Variants in SPATA1 observed in about 807,000 individuals in gnomAD.
SPATA1 encodes spermatogenesis-associated protein 1.
SPATA1 carries 57 observed loss-of-function variants against 59.6 expected under a neutral mutation model. The ratio of observed to expected loss-of-function variants is 0.96; its 90% CI spans 0.77 to 1.19. The LOEUF (loss-of-function observed/expected upper bound fraction) is 1.19. Ranked by LOEUF, SPATA1 falls within the 50% of genes most tolerant of loss-of-function variation. SPATA1 has a pLI of 0.00. For missense variants in SPATA1, 448 were observed against 480.7 expected, an observed-to-expected ratio of 0.93 and a Z score of 0.64; for synonymous variants, 147 against 163.9, an observed-to-expected ratio of 0.90 and a Z score of 0.79.
chr1:84,526,498 G>A (rs963429051), intron 6 of SPATA1, among the ~76,000 whole-genome samples: 7 of 152,060 alleles, frequency 4.6e-5, no homozygotes, highest in Non-Finnish European at 7.4e-5. Context: ...GGGAACATAC[G>A]TATTTCAGAG....
intron 1 of SPATA1, among the ~76,000 whole-genome samples, chr1:84,515,442 G>A (rs1409891871): frequency 6.6e-6 from 1 of 151,992 alleles, no homozygotes; most frequent in Non-Finnish European, 1.5e-5. Flanking sequence ...CAGATCAGAG[G>A]AATTTTAAGT....
rs1682561442 is a variant in SPATA1, at chr1:84,511,675, CTTTCTTTT to C, written c.-137-4544_-137-4537del. On this transcript the variant is annotated intron_variant, in intron 1 of 12. Coordinates refer to ENST00000490879, the Ensembl canonical transcript of SPATA1. ...TCAGGCTTTTTTTTTTTTTTTCTTT[CTTTCTTTT>C]TTTTTTTTTTTTTTTGAGACAGAGT... Among the ~76,000 whole-genome samples, 30 of 71,028 alleles carry C rather than the reference CTTTCTTTT, an allele frequency of 4.2e-4. 1 individual carries two copies. Among genetic ancestry groups the C allele is most frequent in the African/African-American group, 1.9e-3 (30 of 15,798 alleles). 46.6% of individuals were successfully genotyped at this position (71,028 alleles called of 152,430 possible).
intron 6 of SPATA1, among the ~76,000 whole-genome samples, chr1:84,527,171 T>C (rs1292667194): frequency 6.6e-6 from 1 of 152,148 alleles, no homozygotes; most frequent in African/African-American, 2.4e-5. Context: ...ACAGCTTTAA[T>C]AGATGTTGTC....
At chr1:84,527,495 C>T (rs1683272483) in intron 6 of SPATA1, 1 of 151,904 alleles carries the variant, frequency 6.6e-6, no homozygotes, top group Non-Finnish European at 1.5e-5. Context: ...ATTACTACTA[C>T]TTAGAATTCT....
At chr1:84,544,822 A>G (rs2101999704) in intron 9 of SPATA1, among the ~76,000 whole-genome samples, 1 of 151,954 alleles carries the variant, frequency 6.6e-6, no homozygotes, top group African/African-American at 2.4e-5. Context: ...CGGCCTCCCA[A>G]AGTGCTGGGA....
At position 84,545,732 on chromosome 1, in the gene SPATA1, G is replaced by T; in HGVS notation, c.919G>T (p.Glu307Ter). The T allele has an allele frequency of 6.6e-7, 1 of 1,525,194 alleles. No homozygotes were observed. Among genetic ancestry groups the T allele is most frequent in the South Asian group, 1.4e-5 (1 of 73,468 alleles). 94.5% of individuals were successfully genotyped at this position (1,525,194 alleles called of 1,614,324 possible). ...AGTAAAAACGGTTGAAAAGCTATTT[G>T]AACAAAGCAAATTAAAACGATATCA... is the stretch of plus-strand genomic sequence containing the variant. Residue 307 changes from glutamate to a stop codon, truncating the protein, a stop_gained, in exon 10 of 13, where the codon GAA becomes TAA. Coordinates refer to ENST00000490879, the Ensembl canonical transcript of SPATA1. LOFTEE classifies it high-confidence loss of function.
At chr1:84,548,750 CTTTTTTTTTTTTTT>C (rs56250726) in intron 10 of SPATA1, 22 bp from the exon 11 acceptor site, 15,298 of 909,538 alleles carry the variant, frequency 0.017, 30 homozygotes, top group South Asian at 0.025. Flanking sequence ...AAGGCCTTTC[CTTTTTTTTTTTTTT>C]TTTTTTTTTT....
At chr1:84,551,326 A>G in intron 12 of SPATA1, 1 of 935,846 alleles carries the variant, frequency 1.1e-6, no homozygotes, top group Non-Finnish European at 1.3e-6. Context: ...AATTTTAAAA[A>G]GAAAAAAGAA....
intron 1 of SPATA1, among the ~76,000 whole-genome samples, chr1:84,512,489 C>A (rs889474387): frequency 3.9e-5 from 6 of 152,160 alleles, no homozygotes; most frequent in Non-Finnish European, 8.8e-5. Flanking sequence ...GTACATTGAG[C>A]AATCTTTGTA....
intron 8 of SPATA1, among the ~76,000 whole-genome samples, chr1:84,536,466 C>T (rs1206515900): frequency 6.6e-6 from 1 of 152,152 alleles, no homozygotes; most frequent in Non-Finnish European, 1.5e-5. Flanking sequence ...TCTTTTGAGA[C>T]GGAGTCTCGC....
chr1:84,549,896 C>T (rs1000185189), intron 11 of SPATA1: 1 of 150,878 alleles, frequency 6.6e-6, no homozygotes, highest in Non-Finnish European at 1.5e-5. Flanking sequence ...ATAGCTTATA[C>T]TTTATCTTAC....
intron 11 of SPATA1, 43 bp from the exon 12 acceptor site, chr1:84,550,387 AAT>A (rs1303600261): frequency 2.0e-6 from 2 of 986,590 alleles, no homozygotes; most frequent in African/African-American, 1.7e-5. Context: ...TAAAAATAAA[AAT>A]GTTTATATGT....
chr1:84,524,850 A>T (rs1321515494), intron 4 of SPATA1, among the ~76,000 whole-genome samples: 1 of 152,140 alleles, frequency 6.6e-6, no homozygotes, highest in African/African-American at 2.4e-5. Context: ...TTATTTATTT[A>T]ATATCTGGTT....
rs143303707 is a variant in SPATA1 at position 84,529,769 on chromosome 1, C to T, written c.545-3091C>T. ...TTTTTGTATGTTTAGCAGAGATGGA[C>T]TCCTGACCTCAGGTGATCCACCCGC... On this transcript the variant is annotated intron_variant, in intron 6 of 12. Transcript: ENST00000490879. Among the ~76,000 whole-genome samples, 956 of 151,558 alleles carry T rather than the reference C, an allele frequency of 6.3e-3. 6 individuals are homozygous for T. The highest frequency in any genetic ancestry group is 0.022 in the African/African-American group (906 of 41,338).
At chr1:84,559,805 C>T (rs1287768281) in intron 4 of SPATA1, among the ~76,000 whole-genome samples, 1 of 152,232 alleles carries the variant, frequency 6.6e-6, no homozygotes, top group Non-Finnish European at 1.5e-5. Flanking sequence ...AATGTGTTGG[C>T]CAGGTGCAGT....
intron 12 of SPATA1, 77 bp downstream of exon 12, chr1:84,550,607 T>G: frequency 7.2e-7 from 1 of 1,393,234 alleles, no homozygotes; most frequent in South Asian, 1.8e-5. Flanking sequence ...TAACTTTGGG[T>G]GTCAATAATA....
chr1:84,565,524 C>A (rs1222480686), intron 4 of SPATA1, among the ~76,000 whole-genome samples: 1 of 152,026 alleles, frequency 6.6e-6, no homozygotes, highest in Non-Finnish European at 1.5e-5. Context: ...GAATATCAGA[C>A]CAGAAATGAG....
chr1:84,510,501 G>A (rs955684277), intron 1 of SPATA1, among the ~76,000 whole-genome samples: 14 of 152,178 alleles, frequency 9.2e-5, no homozygotes, highest in Admixed American at 1.3e-4. Flanking sequence ...GCAAAAGATA[G>A]ACAATAACAA....
intron 1 of SPATA1, among the ~76,000 whole-genome samples, chr1:84,510,177 TAAA>T (rs1248514600): frequency 3.3e-5 from 5 of 151,626 alleles, no homozygotes. Flanking sequence ...AAAATAAAAA[TAAA>T]AACCTGCATT....
Sources: allele counts gnomAD v4.1 joint callset (sites outside exome capture counted in the v4.1 genomes callset), GRCh38; gene constraint gnomAD v4.1.1; transcripts MANE v1.5; gene names NCBI Gene and HGNC (gene_info 2026-07-23, HGNC 2026-07-21).